Variants in AFG1L observed in about 807,000 individuals in gnomAD.
AFG1L encodes AFG1 like ATPase.
AFG1L carries 53 observed loss-of-function variants against 62.2 expected under a neutral mutation model. The ratio of observed to expected loss-of-function variants is 0.85; its 90% CI spans 0.68 to 1.07. The LOEUF is 1.07. AFG1L is among the 50% of genes least tolerant of loss of function. AFG1L has a pLI of 0.00. For missense variants in AFG1L, 555 were observed against 590.5 expected, an observed-to-expected ratio of 0.94 and a Z score of 0.62; for synonymous variants, 228 against 210.3, an observed-to-expected ratio of 1.08 and a Z score of -0.73.
At chr6:108,305,585 A>T (rs936368858) in intron 1 of AFG1L, among the ~76,000 whole-genome samples, 2 of 151,850 alleles carry the variant, frequency 1.3e-5, no homozygotes, top group African/African-American at 4.8e-5. Context: ...TGAACCTCTA[A>T]GTCTACTTTA....
At chr6:108,449,792 C>T (rs977083062) in intron 8 of AFG1L, among the ~76,000 whole-genome samples, 2 of 152,088 alleles carry the variant, frequency 1.3e-5, no homozygotes, top group Non-Finnish European at 2.9e-5. Flanking sequence ...TGATGTTCCC[C>T]TTCCTGTGTC....
rs966186013 is a variant in AFG1L at position 108,387,915 on chromosome 6, T to A, written c.749-14081T>A. ...AGCAGCTAGAATTTTTTTATTTATTTATTTTTTTTTTTAGTTTAAGAAAAG... is the reference window on the plus strand; with the variant it reads ...AGCAGCTAGAATTTTTTTATTTATTAATTTTTTTTTTTAGTTTAAGAAAAG... On this transcript the variant is annotated intron_variant, in intron 6 of 12. Transcript: ENST00000368977. 7.2e-5 allele frequency: 11 copies of A among 151,986 alleles called. No individual in the cohort carries two copies. The South Asian group carries it at 1.9e-3, about 26-fold the overall frequency. 9.4% of individuals were successfully genotyped at this position (151,986 alleles called of 1,614,324 possible).
intron 1 of AFG1L, among the ~76,000 whole-genome samples, chr6:108,315,739 C>A (rs1257576823): frequency 5.3e-5 from 8 of 152,174 alleles, no homozygotes; most frequent in Non-Finnish European, 1.0e-4. Flanking sequence ...CCCAGCCCAA[C>A]AGTTCTTTTT....
At chr6:108,399,773 T>C (rs1021355194) in intron 6 of AFG1L, among the ~76,000 whole-genome samples, 12 of 118,244 alleles carry the variant, frequency 1.0e-4, no homozygotes, top group Non-Finnish European at 1.8e-4. Flanking sequence ...ATCTCTCTTT[T>C]TTTTTTTTTT....
At chr6:108,504,754 A>C (rs1415934183) in intron 10 of AFG1L, among the ~76,000 whole-genome samples, 2 of 152,226 alleles carry the variant, frequency 1.3e-5, no homozygotes, top group Non-Finnish European at 2.9e-5. Flanking sequence ...CCTGTAGTCT[A>C]TCTGTGTGCC....
At position 108,355,038 on chromosome 6, in the gene AFG1L, T is replaced by C. The variant is rs112550425; in HGVS notation, c.416-616T>C. ...ACAATTGACAATTCTCTAGCTCTAA[T>C]CTACATATATGATTCATGTTCAATA... On this transcript the variant is annotated intron_variant, in intron 3 of 12. Transcript: ENST00000368977. Among the ~76,000 whole-genome samples, 74 of 152,274 alleles carry C rather than the reference T, an allele frequency of 4.9e-4. 1 individual carries two copies. The highest frequency in any genetic ancestry group is 1.7e-3 in the African/African-American group (70 of 41,572).
intron 6 of AFG1L, among the ~76,000 whole-genome samples, chr6:108,396,129 T>G (rs957070809): frequency 3.3e-5 from 5 of 151,984 alleles, no homozygotes; most frequent in African/African-American, 1.2e-4. Context: ...TCCTCCCGAC[T>G]TGGCCTCTCA....
At chr6:108,358,454 T>A (rs1779385830) in intron 5 of AFG1L, among the ~76,000 whole-genome samples, 1 of 152,222 alleles carries the variant, frequency 6.6e-6, no homozygotes, top group Non-Finnish European at 1.5e-5. Context: ...ATTTCCTAGG[T>A]ATCATGTAAA....
chr6:108,328,965 G>A (rs370155379), intron 2 of AFG1L, among the ~76,000 whole-genome samples: 49 of 152,316 alleles, frequency 3.2e-4, no homozygotes, highest in African/African-American at 1.1e-3. Context: ...AGTTTCAAAT[G>A]TGTCTAATGA....
chr6:108,312,596 A>G (rs751639562), intron 1 of AFG1L, among the ~76,000 whole-genome samples: 3 of 152,168 alleles, frequency 2.0e-5, no homozygotes, highest in Non-Finnish European at 2.9e-5. Flanking sequence ...TATCAATACA[A>G]TAAAGATATT....
At chr6:108,329,450 C>T (rs182567310) in intron 2 of AFG1L, among the ~76,000 whole-genome samples, 3 of 151,926 alleles carry the variant, frequency 2.0e-5, no homozygotes, top group Non-Finnish European at 4.4e-5. Context: ...AGGCGCCCAC[C>T]ACCACGCCTG....
chr6:108,308,730 G>T (rs1212686499), intron 1 of AFG1L, among the ~76,000 whole-genome samples: 1 of 151,358 alleles, frequency 6.6e-6, no homozygotes, highest in Non-Finnish European at 1.5e-5. Flanking sequence ...TTGAGACAGA[G>T]TCTCACTCTG....
intron 1 of AFG1L, among the ~76,000 whole-genome samples, chr6:108,303,114 G>A (rs1777073464): frequency 1.3e-5 from 2 of 152,102 alleles, no homozygotes; most frequent in Non-Finnish European, 2.9e-5. Flanking sequence ...GTTTTGCCAC[G>A]TTGGCCAGGC....
intron 11 of AFG1L, among the ~76,000 whole-genome samples, chr6:108,517,164 T>C (rs1343112542): frequency 6.6e-6 from 1 of 152,166 alleles, no homozygotes; most frequent in Non-Finnish European, 1.5e-5. Flanking sequence ...TTAAAGTTCA[T>C]ATGGAACCAA....
intron 2 of AFG1L, among the ~76,000 whole-genome samples, chr6:108,331,232 G>A (rs1778266534): frequency 6.6e-6 from 1 of 152,196 alleles, no homozygotes; most frequent in African/African-American, 2.4e-5. Flanking sequence ...GCTGCAGTAA[G>A]CCGAGATCGT....
At chr6:108,383,299 A>G (rs545794852) in intron 6 of AFG1L, among the ~76,000 whole-genome samples, 2 of 152,298 alleles carry the variant, frequency 1.3e-5, no homozygotes, top group East Asian at 3.9e-4. Flanking sequence ...CAGATGATCT[A>G]CTAGAGCAAA....
At chr6:108,510,689 T>C (rs1028504482) in intron 11 of AFG1L, among the ~76,000 whole-genome samples, 1 of 152,258 alleles carries the variant, frequency 6.6e-6, no homozygotes, top group African/African-American at 2.4e-5. Context: ...AGACAGCTTA[T>C]GCGCTTCATC....
chr6:108,339,295 C>T (rs1778589148), intron 2 of AFG1L, among the ~76,000 whole-genome samples: 1 of 151,680 alleles, frequency 6.6e-6, no homozygotes, highest in Non-Finnish European at 1.5e-5. Flanking sequence ...CACGTGCCAC[C>T]ACATCGACTA....
intron 6 of AFG1L, among the ~76,000 whole-genome samples, chr6:108,393,630 G>T (rs1562129355): frequency 6.6e-6 from 1 of 152,020 alleles, no homozygotes; most frequent in Non-Finnish European, 1.5e-5. Flanking sequence ...TGTCATTAAT[G>T]AACTAAAAGG....
Sources: allele counts gnomAD v4.1 joint callset (sites outside exome capture counted in the v4.1 genomes callset), GRCh38; gene constraint gnomAD v4.1.1; transcripts MANE v1.5; gene names NCBI Gene and HGNC (gene_info 2026-07-23, HGNC 2026-07-21).